NBEA: variants seen among roughly 807,000 people sequenced by gnomAD.
NBEA encodes lysosomal-trafficking regulator 2.
NBEA carries 44 observed loss-of-function variants against 343.4 expected under a neutral mutation model. That is an observed-to-expected ratio of 0.13 (90% CI 0.10 to 0.16). The LOEUF is 0.16. Among genes scored for constraint, NBEA ranks in the 10% least tolerant of loss-of-function variants. NBEA has a pLI of 1.00. For synonymous variants in NBEA, 1,175 were observed against 1,238.7 expected, an observed-to-expected ratio of 0.95 and a Z score of 1.08; for missense variants, 2,555 against 3,631.3, an observed-to-expected ratio of 0.70 and a Z score of 7.62.
intron 18 of NBEA, among the ~76,000 whole-genome samples, chr13:35,155,268 TAATA>T (rs775624568): frequency 6.6e-6 from 1 of 151,712 alleles, no homozygotes; most frequent in African/African-American, 2.4e-5. Context: ...TATGTATAAA[TAATA>T]AATAAAATTT....
intron 1 of NBEA, among the ~76,000 whole-genome samples, chr13:34,995,707 CTAAT>C (rs2152520335): frequency 6.6e-6 from 1 of 152,298 alleles, no homozygotes; most frequent in South Asian, 2.1e-4. Context: ...GATGCTGTAA[CTAAT>C]AAACTCAGCT....
At chr13:35,216,345 A>G (rs2074064613) in intron 33 of NBEA, among the ~76,000 whole-genome samples, 2 of 151,772 alleles carry the variant, frequency 1.3e-5, no homozygotes, top group African/African-American at 4.8e-5. Flanking sequence ...ATACAGCCAC[A>G]CTCATTTGCT....
At chr13:35,473,791 T>G (rs912769752) in intron 41 of NBEA, among the ~76,000 whole-genome samples, 1 of 152,204 alleles carries the variant, frequency 6.6e-6, no homozygotes, top group South Asian at 2.1e-4. Context: ...ATAAAATATA[T>G]TGGTCAGAAA....
chr13:35,620,233 G>C (rs1271788534), intron 48 of NBEA, among the ~76,000 whole-genome samples: 2 of 152,108 alleles, frequency 1.3e-5, no homozygotes, highest in Non-Finnish European at 2.9e-5. Flanking sequence ...GAAATATCTA[G>C]TATCTTAGAA....
chr13:35,522,606 C>T (rs538005565), intron 41 of NBEA, among the ~76,000 whole-genome samples: 17 of 151,924 alleles, frequency 1.1e-4, no homozygotes, highest in East Asian at 5.8e-4. Context: ...CCCTCCCCTG[C>T]GACGGTACCA....
intron 11 of NBEA, among the ~76,000 whole-genome samples, chr13:35,102,187 C>T (rs1162264349): frequency 6.6e-6 from 1 of 151,282 alleles, no homozygotes; most frequent in Non-Finnish European, 1.5e-5. Context: ...ATCTAGCTGG[C>T]CCAGTACCAT....
chr13:35,300,373 A>G (rs961037249), intron 35 of NBEA, among the ~76,000 whole-genome samples: 2 of 152,196 alleles, frequency 1.3e-5, no homozygotes, highest in African/African-American at 4.8e-5. Context: ...AGAAATGTGC[A>G]TCAGTATAAA....
chr13:35,141,529 T>C (rs1308630119), intron 17 of NBEA, among the ~76,000 whole-genome samples: 3 of 152,172 alleles, frequency 2.0e-5, no homozygotes, highest in Non-Finnish European at 2.9e-5. Context: ...CCTCTGAAAG[T>C]GCTGGGATTA....
chr13:35,377,520 T>C (rs2041808054), intron 38 of NBEA, among the ~76,000 whole-genome samples: 1 of 152,236 alleles, frequency 6.6e-6, no homozygotes, highest in South Asian at 2.1e-4. Context: ...TCCAAACTTT[T>C]ACTGCTGAAA....
chr13:35,010,108 A>G (rs2061433296), intron 1 of NBEA, among the ~76,000 whole-genome samples: 2 of 152,210 alleles, frequency 1.3e-5, no homozygotes, highest in South Asian at 4.1e-4. Flanking sequence ...AGTTAAATAT[A>G]TGAGGCTGCA....
rs975687650 is a variant in NBEA at position 35,611,538 on chromosome 13, G to A, written c.7449+4960G>A. 2.0e-5 allele frequency among the ~76,000 whole-genome samples: 3 copies of A among 152,122 alleles called. No homozygotes were observed. The East Asian group carries it at 5.8e-4, about 29-fold the overall frequency. On this transcript the variant is annotated intron_variant, in intron 48 of 58. Coordinates refer to ENST00000379939, the MANE Select transcript of NBEA (RefSeq NM_001385012.1). ...TAACAGTTATATGACCATCACCACA[G>A]TCTAATCTTAGAATATTTTCACCAC... is the stretch of plus-strand genomic sequence containing the variant.
chr13:35,480,171 G>A (rs941626801), intron 41 of NBEA, among the ~76,000 whole-genome samples: 1 of 151,574 alleles, frequency 6.6e-6, no homozygotes, highest in Non-Finnish European at 1.5e-5. Flanking sequence ...CGAAGCGTTC[G>A]AAATAACAGT....
chr13:35,090,589 T>A (rs1336529657), intron 10 of NBEA, among the ~76,000 whole-genome samples: 1 of 151,940 alleles, frequency 6.6e-6, no homozygotes, highest in African/African-American at 2.4e-5. Context: ...CTTTAACTGA[T>A]GTGATGCTAT....
chr13:35,422,241 G>A (rs900599731), intron 38 of NBEA, among the ~76,000 whole-genome samples: 12 of 151,026 alleles, frequency 7.9e-5, no homozygotes, highest in Admixed American at 2.0e-4. Flanking sequence ...TTGGTATGCT[G>A]CACCCATTAA....
chr13:35,642,322 T>C (rs1389468999), intron 49 of NBEA, among the ~76,000 whole-genome samples: 1 of 152,206 alleles, frequency 6.6e-6, no homozygotes, highest in African/African-American at 2.4e-5. Context: ...TTTTAATTGA[T>C]AGCATATTTT....
At chr13:35,502,724 C>T (rs1019571278) in intron 41 of NBEA, among the ~76,000 whole-genome samples, 2 of 152,016 alleles carry the variant, frequency 1.3e-5, no homozygotes, top group Non-Finnish European at 2.9e-5. Context: ...TGCAAATTCT[C>T]CTCCCCTCCC....
chr13:35,628,877 C>A (rs1159700586), intron 49 of NBEA, among the ~76,000 whole-genome samples: 1 of 152,140 alleles, frequency 6.6e-6, no homozygotes, highest in Non-Finnish European at 1.5e-5. Flanking sequence ...AAGATTGCAC[C>A]ACTGCACTCC....
chr13:35,318,537 A>C (rs1378637753), intron 36 of NBEA, among the ~76,000 whole-genome samples: 3 of 152,252 alleles, frequency 2.0e-5, no homozygotes, highest in South Asian at 2.1e-4. Flanking sequence ...ATTGGTGTTC[A>C]TCAGGGATAT....
intron 1 of NBEA, among the ~76,000 whole-genome samples, chr13:34,980,994 T>C (rs1284658058): frequency 1.3e-5 from 2 of 152,218 alleles, no homozygotes; most frequent in African/African-American, 4.8e-5. Context: ...TTAGTGAATT[T>C]ACAGTTATTT....
Sources: gnomAD v4.1 joint callset for allele counts (sites outside exome capture counted in the v4.1 genomes callset) on GRCh38, gnomAD v4.1.1 for gene constraint, MANE v1.5 for transcripts, NCBI Gene and HGNC (gene_info 2026-07-23, HGNC 2026-07-21) for gene names.